PYGL: variants seen among roughly 807,000 people sequenced by gnomAD.
PYGL encodes glycogen phosphorylase L, also known as glycogen phosphorylase, liver form.
PYGL carries 90 observed loss-of-function variants against 100.1 expected under a neutral mutation model. The ratio of observed to expected loss-of-function variants is 0.90; its 90% CI spans 0.76 to 1.07. PYGL has a LOEUF of 1.07. PYGL is among the 50% of genes least tolerant of loss of function. PYGL has a pLI of 0.00. For synonymous variants in PYGL, 373 were observed against 393.0 expected, an observed-to-expected ratio of 0.95 and a Z score of 0.60; for missense variants, 1,016 against 1,057.6, an observed-to-expected ratio of 0.96 and a Z score of 0.55.
chr14:50,931,664 C>G lies in PYGL; in HGVS notation c.528+9G>C, dbSNP rs377241811. 2 of 1,607,994 alleles carry G rather than the reference C, an allele frequency of 1.2e-6. No individual in the cohort carries two copies. On this transcript the variant is annotated intron_variant, in intron 4 of 19. Transcript: ENST00000216392. ...TTAATGACAAAATTTAAAAAGATGG[C>G]TCACACACCTGCCATCCATCTCGGA...
chr14:50,914,310 A>G (rs2050425471), intron 12 of PYGL, among the ~76,000 whole-genome samples: 1 of 152,156 alleles, frequency 6.6e-6, no homozygotes, highest in Non-Finnish European at 1.5e-5. Flanking sequence ...CAGCCTGGCC[A>G]ACATGGTAAA....
chr14:50,910,167 G>A, intron 16 of PYGL, 65 bp from the exon 17 acceptor site: 2 of 1,503,834 alleles, frequency 1.3e-6, no homozygotes, highest in Non-Finnish European at 1.9e-6. Flanking sequence ...TTGTATTGAA[G>A]CATTTATTAA....
rs375537661 is a variant in PYGL at position 50,916,758 on chromosome 14, T to G, written c.1000-24A>C. On this transcript the variant is annotated intron_variant, in intron 8 of 19. Transcript: ENST00000216392. ...ACCTGGGTGGGGAAAGACATCAACA[T>G]GAAGGCAACGGATGGCTCAGGGTCT... is the stretch of plus-strand genomic sequence containing the variant. The G allele has an allele frequency of 4.2e-5, 67 of 1,601,586 alleles. No homozygotes were observed. The Middle Eastern group carries it at 5.0e-4, about 12-fold the overall frequency.
At chr14:50,913,693 T>C (rs1488503097) in intron 12 of PYGL, among the ~76,000 whole-genome samples, 1 of 152,108 alleles carries the variant, frequency 6.6e-6, no homozygotes, top group African/African-American at 2.4e-5. Flanking sequence ...TTTTTATTTT[T>C]ATTTAATTTT....
chr14:50,926,843 C>T (rs1022710925), intron 4 of PYGL, among the ~76,000 whole-genome samples: 9 of 147,550 alleles, frequency 6.1e-5, no homozygotes, highest in African/African-American at 2.2e-4. Context: ...TCTTGACTTA[C>T]AAAATACTTT....
intron 10 of PYGL, 119 bp from the exon 11 acceptor site, chr14:50,915,618 G>T: frequency 6.9e-7 from 1 of 1,448,760 alleles, no homozygotes; most frequent in Non-Finnish European, 9.5e-7. Context: ...CACTACCACA[G>T]GGAGGGGTTG....
intron 3 of PYGL, among the ~76,000 whole-genome samples, chr14:50,932,970 G>A (rs2050616188): frequency 6.6e-6 from 1 of 152,174 alleles, no homozygotes; most frequent in South Asian, 2.1e-4. Context: ...CATATGGCCT[G>A]GCTCTGCTCC....
chr14:50,937,294 A>C (rs1468288257), intron 2 of PYGL, among the ~76,000 whole-genome samples: 1 of 152,254 alleles, frequency 6.6e-6, no homozygotes, highest in Non-Finnish European at 1.5e-5. Flanking sequence ...CAACAGAGAA[A>C]GTATGACAAC....
intron 4 of PYGL, among the ~76,000 whole-genome samples, chr14:50,926,681 G>T (rs1235285287): frequency 1.7e-5 from 2 of 117,276 alleles, no homozygotes; most frequent in East Asian, 3.0e-4. Flanking sequence ...AGCAGAGATT[G>T]TGCCACTGCA....
chr14:50,913,049 C>T lies in PYGL; in HGVS notation c.1600G>A (p.Glu534Lys). Residue 534 changes from glutamate to lysine, a missense_variant, in exon 13 of 20, where the codon GAA becomes AAA. Glu to Lys is a moderately conservative substitution (Grantham distance 56). Transcript: ENST00000216392. ...CTCACCTGCTTCACCTTGGCGAGTTCCCGGAGGAAGACATCATCACCCAGG... is the reference window on the plus strand; with the variant it reads ...CTCACCTGCTTCACCTTGGCGAGTTTCCGGAGGAAGACATCATCACCCAGG... ...SFLGDDVFLR[E>K]LAKVKQENKL... 1 of 1,613,954 alleles carries T rather than the reference C, an allele frequency of 6.2e-7. No individual in the cohort carries two copies. The highest frequency in any genetic ancestry group is 8.5e-7 in the Non-Finnish European group (1 of 1,179,848).
chr14:50,916,950 C>A lies in PYGL; in HGVS notation c.999+12G>T, dbSNP rs61984973. 2 of 1,613,950 alleles carry A rather than the reference C, an allele frequency of 1.2e-6. No individual in the cohort carries two copies. The highest frequency in any genetic ancestry group is 1.7e-6 in the Non-Finnish European group (2 of 1,179,806). On this transcript the variant is annotated intron_variant, in intron 8 of 19. Coordinates refer to ENST00000216392, the MANE Select transcript of PYGL (RefSeq NM_002863.5). ...AGTGGACCCTAACTGCATCCACAGA[C>A]TAAATACTTGCCTGATCCGGGAAGG... is the stretch of plus-strand genomic sequence containing the variant.
chr14:50,936,536 C>T (rs1391131107), intron 2 of PYGL, among the ~76,000 whole-genome samples: 4 of 152,310 alleles, frequency 2.6e-5, no homozygotes, highest in South Asian at 2.1e-4. Flanking sequence ...TAGGCTGGCA[C>T]GGTGACTCAC....
chr14:50,919,848 A>AT lies in PYGL; in HGVS notation c.855+692dup, dbSNP rs2050484893. Among the ~76,000 whole-genome samples, 3 of 151,860 alleles carry AT rather than the reference A, an allele frequency of 2.0e-5. No individual in the cohort carries two copies. In the South Asian group the frequency reaches 6.2e-4, roughly 32 times the overall value. On this transcript the variant is annotated intron_variant, in intron 7 of 19. Transcript: ENST00000216392. Reference sequence around the variant, plus strand: ...AGGCGCCTACCATCACACCTGGCTAATTTTTTTGTATTTTTAGTAGGGACA... The same window carrying AT: ...AGGCGCCTACCATCACACCTGGCTAATTTTTTTTGTATTTTTAGTAGGGACA...
intron 4 of PYGL, among the ~76,000 whole-genome samples, chr14:50,928,476 CT>C (rs1477509632): frequency 6.6e-6 from 1 of 152,150 alleles, no homozygotes; most frequent in East Asian, 1.9e-4. Context: ...GAGATACATA[CT>C]GTGAGTGCCT....
At chr14:50,925,243 G>C (rs538649737) in intron 4 of PYGL, among the ~76,000 whole-genome samples, 5 of 152,170 alleles carry the variant, frequency 3.3e-5, no homozygotes, top group Admixed American at 6.5e-5. Flanking sequence ...TAAAAATTCA[G>C]TATAAAACAT....
chr14:50,915,051 ACTG>A, intron 11 of PYGL: 3 of 620,720 alleles, frequency 4.8e-6, no homozygotes, highest in Non-Finnish European at 8.5e-6. Context: ...ACTTCTTCAC[ACTG>A]ACATATATAC....
intron 4 of PYGL, among the ~76,000 whole-genome samples, chr14:50,926,555 G>A (rs1442288705): frequency 1.3e-5 from 2 of 149,906 alleles, no homozygotes; most frequent in Admixed American, 6.6e-5. Flanking sequence ...GTGAAACCCC[G>A]TCTCTACTAA....
intron 1 of PYGL, among the ~76,000 whole-genome samples, chr14:50,943,460 T>G (rs8014291): frequency 0.36 from 54,654 of 152,120 alleles, 10,274 homozygotes; most frequent in East Asian, 0.56. Flanking sequence ...AGGCCTCGGG[T>G]GTGGAAGGGC....
chr14:50,934,643 G>A (rs1336282071), intron 3 of PYGL, among the ~76,000 whole-genome samples: 2 of 151,590 alleles, frequency 1.3e-5, no homozygotes, highest in East Asian at 3.9e-4. Flanking sequence ...ACATTTACAT[G>A]TGTGTGTATG....
Sources: gnomAD v4.1 joint callset for allele counts (sites outside exome capture counted in the v4.1 genomes callset) on GRCh38, gnomAD v4.1.1 for gene constraint, MANE v1.5 for transcripts, NCBI Gene and HGNC (gene_info 2026-07-23, HGNC 2026-07-21) for gene names.